CHORDC1: variants seen among roughly 807,000 people sequenced by gnomAD.
CHORDC1 encodes cysteine and histidine-rich domain-containing protein 1.
A neutral mutation model predicts 48.3 loss-of-function variants in CHORDC1; 25 were observed. The observed-to-expected ratio is 0.52, with a 90% CI of 0.38 to 0.72. CHORDC1 has a LOEUF of 0.72. CHORDC1 is among the 30% of genes least tolerant of loss of function. The pLI, the probability that CHORDC1 is intolerant of heterozygous loss-of-function variation, is 0.00. For missense variants in CHORDC1, 317 were observed against 388.7 expected (o/e 0.82, Z 1.55); for synonymous variants, 128 against 126.4 (o/e 1.01, Z -0.09).
At chr11:90,218,768 C>A (rs1858082854) in intron 1 of CHORDC1, among the ~76,000 whole-genome samples, 3 of 151,978 alleles carry the variant, frequency 2.0e-5, no homozygotes, top group South Asian at 4.2e-4. Context: ...GTGAGGAGCT[C>A]CTCTGCCCTG....
In CHORDC1 at chr11:90,211,257, C is replaced by T; in HGVS notation, c.391G>A (p.Asp131Asn). 1 of 1,607,492 alleles carries T rather than the reference C, an allele frequency of 6.2e-7. No individual in the cohort carries two copies. The highest frequency in any genetic ancestry group is 8.5e-7 in the Non-Finnish European group (1 of 1,175,276). The change falls in exon 5 of 11, where the codon GAT (aspartate) becomes AAT (asparagine). Residue 131 changes from aspartate to asparagine, a missense_variant. Coordinates refer to ENST00000320585, the MANE Select transcript of CHORDC1 (RefSeq NM_012124.3). Reference sequence around the variant, plus strand: ...TTCCCTGATGACAGTTTAAGTTTATCAAGTGCTTGTTTTAGGGAGGCAGAT... The same window carrying T: ...TTCCCTGATGACAGTTTAAGTTTATTAAGTGCTTGTTTTAGGGAGGCAGAT... ...KISASLKQAL[D>N]KLKLSSGNEE...
intron 3 of CHORDC1, 142 bp from the exon 4 acceptor site, chr11:90,214,317 A>G (rs1286172491): frequency 8.6e-6 from 6 of 697,134 alleles, no homozygotes; most frequent in South Asian, 3.8e-5. Flanking sequence ...AATTAAAAAC[A>G]GAACTCCAAA....
intron 2 of CHORDC1, among the ~76,000 whole-genome samples, chr11:90,217,137 GAACT>G: frequency 6.6e-6 from 1 of 152,294 alleles, no homozygotes; most frequent in South Asian, 2.1e-4. Context: ...TCCTCACTCA[GAACT>G]AACCAGACTA....
rs1017097478 is a variant in CHORDC1, at chr11:90,202,192, G to A, written c.*213C>T. Reference sequence around the variant, plus strand: ...GACACAACTATGGTTCCTACCAGTAGGGAGAAATGAATAATCAATCTTACA... The same window carrying A: ...GACACAACTATGGTTCCTACCAGTAAGGAGAAATGAATAATCAATCTTACA... On this transcript the variant is annotated 3_prime_UTR_variant, in exon 11 of 11. Transcript: ENST00000320585. The A allele has an allele frequency of 3.7e-6, 2 of 534,714 alleles. No homozygotes were observed. Among genetic ancestry groups the A allele is most frequent in the Admixed American group, 3.5e-5 (1 of 28,666 alleles). The allele number at this position is 534,714 out of a possible 1,614,324, so 33.1% of individuals were successfully genotyped here. A position where few individuals can be genotyped will look rare whatever the true frequency, so the allele number is the denominator to read the frequency against.
intron 9 of CHORDC1, 127 bp from the exon 10 acceptor site, chr11:90,203,002 T>TATA: frequency 2.5e-6 from 3 of 1,195,572 alleles, no homozygotes; most frequent in East Asian, 2.6e-5. Context: ...AATACTGTAT[T>TATA]GTTTCATATG....
chr11:90,213,571 C>T (rs1169780825), intron 4 of CHORDC1: 2 of 500,084 alleles, frequency 4.0e-6, no homozygotes, highest in Non-Finnish European at 7.1e-6. Flanking sequence ...AAATCAAATG[C>T]ATTAAAAATT....
intron 6 of CHORDC1, 33 bp downstream of exon 6, chr11:90,210,503 T>G: frequency 7.0e-7 from 1 of 1,428,666 alleles, no homozygotes; most frequent in Middle Eastern, 1.8e-4. Flanking sequence ...AAAATTTTAC[T>G]TCATAACACA....
At chr11:90,212,765 G>A (rs1857906686) in intron 4 of CHORDC1, 1 of 151,500 alleles carries the variant, frequency 6.6e-6, no homozygotes, top group South Asian at 2.1e-4. Flanking sequence ...CTGAGTAGCT[G>A]CAACTACATG....
At chr11:90,206,645 T>C in intron 6 of CHORDC1, 3 of 460,160 alleles carry the variant, frequency 6.5e-6, no homozygotes, top group Non-Finnish European at 3.8e-6. Context: ...GTAAACTCCA[T>C]GTAAGTATTG....
chr11:90,206,002 C>G, intron 7 of CHORDC1, 200 bp downstream of exon 7: 1 of 576,056 alleles, frequency 1.7e-6, no homozygotes, highest in Non-Finnish European at 3.1e-6. Context: ...CACTTAAGAA[C>G]TGTAACCTTG....
intron 2 of CHORDC1, among the ~76,000 whole-genome samples, chr11:90,217,145 C>G (rs1858033376): frequency 6.6e-6 from 1 of 152,150 alleles, no homozygotes; most frequent in Non-Finnish European, 1.5e-5. Flanking sequence ...CAGAACTAAC[C>G]AGACTAATAC....
intron 6 of CHORDC1, chr11:90,207,759 T>TATAAAAAAA (rs1857736256): frequency 3.0e-4 from 1 of 3,362 alleles, no homozygotes; most frequent in African/African-American, 8.1e-4. Flanking sequence ...ATGGTTAAAA[T>TATAAAAAAA]ACAAAAAAAA....
Position 90,222,996 on chromosome 11 carries a change from A to T in CHORDC1, c.-42T>A. The T allele has an allele frequency of 6.4e-7, 1 of 1,561,286 alleles. No individual in the cohort carries two copies. The highest frequency in any genetic ancestry group is 1.1e-5 in the South Asian group (1 of 89,844). Reference sequence around the variant, plus strand: ...CACAGGCAAGGCCCAAACACCGGGAACGGCAAGAGGATGCGTTTGCCACTC... The same window carrying T: ...CACAGGCAAGGCCCAAACACCGGGATCGGCAAGAGGATGCGTTTGCCACTC... On this transcript the variant is annotated 5_prime_UTR_variant, in exon 1 of 11. Coordinates refer to ENST00000320585, the MANE Select transcript of CHORDC1 (RefSeq NM_012124.3).
chr11:90,210,273 A>G (rs1857823654), intron 6 of CHORDC1, among the ~76,000 whole-genome samples: 2 of 152,162 alleles, frequency 1.3e-5, no homozygotes, highest in Non-Finnish European at 2.9e-5. Flanking sequence ...GCTTTATTTG[A>G]TACTATGTCT....
rs4753261 is a variant in CHORDC1 at position 90,200,742 on chromosome 11, T to G, written c.*1663A>C. Among the ~76,000 whole-genome samples the G allele has an allele frequency of 0.43, 64,649 of 151,514 alleles. 14,288 individuals are homozygous for G. Among genetic ancestry groups the G allele is most frequent in the East Asian group, 0.59 (3,049 of 5,170 alleles). On this transcript the variant is annotated 3_prime_UTR_variant, in exon 11 of 11. Transcript: ENST00000320585. ...CTTCAAATAATATTTCAATTACATG[T>G]AACAGATTAAGATACTGTTTAGGGG...
Position 90,215,521 on chromosome 11 carries a change from T to C in CHORDC1, c.115-291A>G, listed in dbSNP as rs35129016. Reference sequence around the variant, plus strand: ...CTTTTCAACAATCGTGTCTGCTTTTTTTTTAGAAGAAAAACATGTTATAAT... The same window carrying C: ...CTTTTCAACAATCGTGTCTGCTTTTCTTTTAGAAGAAAAACATGTTATAAT... On this transcript the variant is annotated intron_variant, in intron 2 of 10. Coordinates refer to ENST00000320585, the MANE Select transcript of CHORDC1 (RefSeq NM_012124.3). 0.14 allele frequency among the ~76,000 whole-genome samples: 20,950 copies of C among 152,026 alleles called. 1,813 individuals are homozygous for C. Among genetic ancestry groups the C allele is most frequent in the Middle Eastern group, 0.22 (64 of 292 alleles).
intron 1 of CHORDC1, among the ~76,000 whole-genome samples, chr11:90,221,700 A>C (rs764114167): frequency 6.6e-6 from 1 of 152,238 alleles, no homozygotes; most frequent in African/African-American, 2.4e-5. Flanking sequence ...GAGTAGCATC[A>C]TATTTGCATC....
chr11:90,215,130 T>C (rs368990567), intron 3 of CHORDC1, 44 bp downstream of exon 3: 10 of 1,116,478 alleles, frequency 9.0e-6, no homozygotes, highest in African/African-American at 3.2e-5. Flanking sequence ...TTCTATAACA[T>C]GTATTTTTAG....
At position 90,204,627 on chromosome 11, in the gene CHORDC1, A is replaced by G. The variant is rs190419189; in HGVS notation, c.669+833T>C. 8.6e-3 allele frequency among the ~76,000 whole-genome samples: 1,315 copies of G among 152,162 alleles called. 11 individuals are homozygous for G. The highest frequency in any genetic ancestry group is 0.011 in the Non-Finnish European group (752 of 67,996). On this transcript the variant is annotated intron_variant, in intron 8 of 10. Transcript: ENST00000320585. ...TCCCAGCTACTAGGGAGGCTGAGGCAGGATAACTGCTTGAACCCGGGAGGC... is the reference window on the plus strand; with the variant it reads ...TCCCAGCTACTAGGGAGGCTGAGGCGGGATAACTGCTTGAACCCGGGAGGC...
Sources: allele counts gnomAD v4.1 joint callset (sites outside exome capture counted in the v4.1 genomes callset), GRCh38; gene constraint gnomAD v4.1.1; transcripts MANE v1.5; gene names NCBI Gene and HGNC (gene_info 2026-07-23, HGNC 2026-07-21).